IL23R: variants seen among roughly 807,000 people sequenced by gnomAD.
IL23R encodes interleukin 23 receptor.
IL23R carries 34 observed loss-of-function variants against 56.9 expected under a neutral mutation model. That is an observed-to-expected ratio of 0.60 (90% CI 0.45 to 0.80). IL23R has a LOEUF of 0.80. Ranked by LOEUF, IL23R falls within the 30% of genes least tolerant of loss-of-function variation. IL23R has a pLI of 0.00. For synonymous variants in IL23R, 230 were observed against 249.2 expected (o/e 0.92, Z 0.73); for missense variants, 635 against 730.0 (o/e 0.87, Z 1.50).
chr1:67,182,885 A>G lies in IL23R; in HGVS notation c.417A>G (p.Ser139=). 1 of 1,614,020 alleles carries G rather than the reference A, an allele frequency of 6.2e-7. No homozygotes were observed. The change falls in exon 4 of 11, where the codon TCA becomes TCG. Residue 139 remains serine (S), a synonymous_variant. Coordinates refer to ENST00000347310, the MANE Select transcript of IL23R (RefSeq NM_144701.3). ...TAACCTGTGTCATTTATGAATATTCAGGCAACATGACTTGCACCTGGAATG... is the reference window on the plus strand; with the variant it reads ...TAACCTGTGTCATTTATGAATATTCGGGCAACATGACTTGCACCTGGAATG... ...DEVTCVIYEY[S]GNMTCTWNAG...
chr1:67,261,679 A>G (rs572355148), downstream of IL23R, among the ~76,000 whole-genome samples: 1 of 152,318 alleles, frequency 6.6e-6, no homozygotes, highest in South Asian at 2.1e-4. Flanking sequence ...TTGAAATAAC[A>G]AAAGACTAAG....
intron 4 of IL23R, among the ~76,000 whole-genome samples, chr1:67,200,254 G>C (rs1648519288): frequency 6.6e-6 from 1 of 152,036 alleles, no homozygotes. Context: ...ATGTTAGCCA[G>C]GATAGTCTCG....
upstream of IL23R, among the ~76,000 whole-genome samples, chr1:67,163,839 C>T (rs1646845925): frequency 6.6e-6 from 1 of 152,156 alleles, no homozygotes; most frequent in Non-Finnish European, 1.5e-5. Context: ...GCCAATTAAG[C>T]CTCTTTTCTT....
intron 8 of IL23R, among the ~76,000 whole-genome samples, chr1:67,237,038 T>G (rs1651523797): frequency 6.6e-6 from 1 of 152,180 alleles, no homozygotes. Context: ...TTTAAAATTT[T>G]TATTTATTTT....
Position 67,168,251 on chromosome 1 carries a change from A to G in IL23R, c.70+61A>G, listed in dbSNP as rs376385874. The G allele has an allele frequency of 3.0e-5, 35 of 1,162,342 alleles. No homozygotes were observed. The African/African-American group carries it at 4.7e-4, about 16-fold the overall frequency. 72.0% of individuals were successfully genotyped at this position (1,162,342 alleles called of 1,614,324 possible). ...TCAACAAATGGAATATTGAGTGATT[A>G]TCATTTTCATGGTTTTATGTTAGAA... On this transcript the variant is annotated intron_variant, in intron 2 of 10. Coordinates refer to ENST00000347310, the MANE Select transcript of IL23R (RefSeq NM_144701.3).
intron 1 of IL23R, among the ~76,000 whole-genome samples, chr1:67,149,577 C>T (rs1309588816): frequency 6.6e-6 from 1 of 152,080 alleles, no homozygotes; most frequent in Non-Finnish European, 1.5e-5. Context: ...TATAGACACT[C>T]AATAAATACT....
chr1:67,153,797 G>A (rs554415278), intron 1 of IL23R, among the ~76,000 whole-genome samples: 19 of 151,580 alleles, frequency 1.3e-4, no homozygotes, highest in Admixed American at 1.1e-3. Flanking sequence ...ATGGAGTCTC[G>A]CTCTGTCACC....
At chr1:67,254,998 T>G (rs542942079) in intron 9 of IL23R, among the ~76,000 whole-genome samples, 11 of 152,290 alleles carry the variant, frequency 7.2e-5, no homozygotes, top group Middle Eastern at 3.4e-3. Context: ...TTCCCCAGCC[T>G]CCTTCTCCAT....
chr1:67,155,371 A>T (rs1038388318), intron 1 of IL23R, among the ~76,000 whole-genome samples: 1 of 152,194 alleles, frequency 6.6e-6, no homozygotes, highest in Non-Finnish European at 1.5e-5. Context: ...CCTGGATAAC[A>T]TCCTGAAATA....
intron 6 of IL23R, among the ~76,000 whole-genome samples, chr1:67,215,843 G>T (rs1649798075): frequency 6.6e-6 from 1 of 152,202 alleles, no homozygotes; most frequent in Non-Finnish European, 1.5e-5. Flanking sequence ...TCAAGAATGT[G>T]TTAGTCTTCT....
chr1:67,218,307 TATATACAC>T (rs1336003623), intron 6 of IL23R, among the ~76,000 whole-genome samples: 1 of 145,166 alleles, frequency 6.9e-6, no homozygotes, highest in East Asian at 2.0e-4. Flanking sequence ...CATATATACA[TATATACAC>T]ATATATGCAT....
chr1:67,235,722 C>T (rs1350552722), intron 7 of IL23R, among the ~76,000 whole-genome samples: 3 of 152,122 alleles, frequency 2.0e-5, no homozygotes, highest in African/African-American at 7.2e-5. Context: ...ATTTCTGAAG[C>T]CCCGTAGAAA....
At chr1:67,264,078 G>A (rs1653282017), downstream of IL23R, among the ~76,000 whole-genome samples, 1 of 152,194 alleles carries the variant, frequency 6.6e-6, no homozygotes, top group South Asian at 2.1e-4. Flanking sequence ...ACCTTGAGAA[G>A]CCTGTGCTTT....
At chr1:67,201,200 C>T (rs1012987534) in intron 5 of IL23R, among the ~76,000 whole-genome samples, 3 of 151,872 alleles carry the variant, frequency 2.0e-5, no homozygotes, top group African/African-American at 4.8e-5. Context: ...GTCAGGATTT[C>T]GAGACCAGCC....
intron 4 of IL23R, among the ~76,000 whole-genome samples, chr1:67,194,668 G>A (rs1345317534): frequency 6.6e-6 from 1 of 152,112 alleles, no homozygotes; most frequent in Admixed American, 6.5e-5. Flanking sequence ...TTGACTTGTG[G>A]TCTCAGTATG....
chr1:67,183,947 T>C (rs1279878349), intron 4 of IL23R, among the ~76,000 whole-genome samples: 1 of 152,160 alleles, frequency 6.6e-6, no homozygotes, highest in Non-Finnish European at 1.5e-5. Context: ...AAAAATAAAA[T>C]TCCAGGCCAG....
intron 4 of IL23R, among the ~76,000 whole-genome samples, chr1:67,184,412 G>T (rs1043283889): frequency 1.3e-5 from 2 of 151,880 alleles, no homozygotes; most frequent in African/African-American, 4.8e-5. Flanking sequence ...CAGGTGTGGT[G>T]GCACACACTT....
rs139705905 is a variant in IL23R at position 67,146,603 on chromosome 1, A to G, written c.-634+7442A>G. 2.6e-4 allele frequency among the ~76,000 whole-genome samples: 39 copies of G among 152,298 alleles called. 1 individual carries two copies. Among genetic ancestry groups the G allele is most frequent in the Middle Eastern group, 3.4e-3 (1 of 294 alleles). On this transcript the variant is annotated intron_variant, in intron 1 of 10. Transcript: ENST00000637002. The stretch of plus-strand genomic sequence containing the variant: ...ATCCTTACTCCTTTTATCCTGGCCC[A>G]TTATCTTTTAGGCATGCTTCTGTGC...
chr1:67,145,141 T>A (rs908029361), intron 1 of IL23R, among the ~76,000 whole-genome samples: 3 of 151,516 alleles, frequency 2.0e-5, no homozygotes, highest in Admixed American at 1.3e-4. Context: ...GGTCAGGGAG[T>A]TCAAGAACAG....
Sources: allele counts gnomAD v4.1 joint callset (sites outside exome capture counted in the v4.1 genomes callset), GRCh38; gene constraint gnomAD v4.1.1; transcripts MANE v1.5; gene names NCBI Gene and HGNC (gene_info 2026-07-23, HGNC 2026-07-21).